Variants in PLCB1 observed in about 807,000 individuals in gnomAD.
PLCB1 encodes the protein phospholipase C beta 1.
A neutral mutation model predicts 161.8 loss-of-function variants in PLCB1; 46 were observed. The ratio of observed to expected loss-of-function variants is 0.28; its 90% CI spans 0.22 to 0.36. The LOEUF (loss-of-function observed/expected upper bound fraction) is 0.36. Among genes scored for constraint, PLCB1 ranks in the 10% least tolerant of loss-of-function variants. The pLI, the probability that PLCB1 is intolerant of heterozygous loss-of-function variation, is 1.00. For missense variants in PLCB1, 1,016 were observed against 1,472.5 expected (o/e 0.69, Z 5.07); for synonymous variants, 517 against 503.7 (o/e 1.03, Z -0.35).
rs545598084 is a variant in PLCB1, at chr20:8,365,650, TA to T, written c.178-5725del. Among the ~76,000 whole-genome samples the T allele has an allele frequency of 1.2e-4, 19 of 152,280 alleles. 1 individual carries two copies. The South Asian group carries it at 1.4e-3, about 12-fold the overall frequency. On this transcript the variant is annotated intron_variant, in intron 2 of 31. Coordinates refer to ENST00000338037, the MANE Select transcript of PLCB1 (RefSeq NM_015192.4). ...TTAAAATACTCTAAAATCATTTTTT[TA>T]AAAAAATTGTGCATTTTAAGGAGGT...
At chr20:8,548,749 G>T (rs948352144) in intron 3 of PLCB1, among the ~76,000 whole-genome samples, 2 of 124,634 alleles carry the variant, frequency 1.6e-5, no homozygotes, top group African/African-American at 6.1e-5. Flanking sequence ...GGTTGTATTT[G>T]GTATTACTTA....
intron 3 of PLCB1, among the ~76,000 whole-genome samples, chr20:8,381,237 A>T (rs1255871997): frequency 6.6e-6 from 1 of 152,236 alleles, no homozygotes; most frequent in African/African-American, 2.4e-5. Context: ...TATGTGATGG[A>T]TTACATATAT....
intron 2 of PLCB1, among the ~76,000 whole-genome samples, chr20:8,184,769 TTTATTATTATTATTATTA>T (rs57793768): frequency 7.0e-6 from 1 of 141,916 alleles, no homozygotes; most frequent in Non-Finnish European, 1.5e-5. Flanking sequence ...TGGCAATACC[TTTATTATTATTATTATTA>T]TTATTATTAT....
chr20:8,849,990 C>T (rs906430745), intron 31 of PLCB1, among the ~76,000 whole-genome samples: 5 of 152,156 alleles, frequency 3.3e-5, no homozygotes, highest in African/African-American at 9.6e-5. Flanking sequence ...TCCAGCCTGG[C>T]GACAGAGCAA....
intron 2 of PLCB1, among the ~76,000 whole-genome samples, chr20:8,202,682 T>C (rs1177257989): frequency 6.6e-6 from 1 of 152,198 alleles, no homozygotes; most frequent in Non-Finnish European, 1.5e-5. Flanking sequence ...TGCCAGGCAA[T>C]GCATTGTGTT....
intron 3 of PLCB1, among the ~76,000 whole-genome samples, chr20:8,572,646 A>G (rs1600161909): frequency 6.6e-6 from 1 of 152,370 alleles, no homozygotes; most frequent in Non-Finnish European, 1.5e-5. Flanking sequence ...ATGGACATGT[A>G]TCTTGCACAT....
At chr20:8,572,725 T>C (rs973383489) in intron 3 of PLCB1, among the ~76,000 whole-genome samples, 2 of 152,182 alleles carry the variant, frequency 1.3e-5, no homozygotes, top group Admixed American at 1.3e-4. Flanking sequence ...AGCTCAAAGA[T>C]AAAATGATGG....
intron 2 of PLCB1, among the ~76,000 whole-genome samples, chr20:8,315,704 C>T (rs540703516): frequency 9.9e-5 from 15 of 152,208 alleles, no homozygotes; most frequent in East Asian, 5.8e-4. Context: ...TTGTGTCTGC[C>T]GGTCTTGCTT....
At chr20:8,634,349 C>T (rs1035624906) in intron 4 of PLCB1, among the ~76,000 whole-genome samples, 1 of 152,144 alleles carries the variant, frequency 6.6e-6, no homozygotes, top group Non-Finnish European at 1.5e-5. Flanking sequence ...ATTCTTCCCC[C>T]TCTGTAGCTG....
At chr20:8,175,425 G>A (rs2051772467) in intron 2 of PLCB1, among the ~76,000 whole-genome samples, 1 of 150,792 alleles carries the variant, frequency 6.6e-6, no homozygotes, top group South Asian at 2.1e-4. Context: ...AAGTGATGAT[G>A]GAGACATTGG....
chr20:8,806,683 T>C (rs1465076665), intron 31 of PLCB1, among the ~76,000 whole-genome samples: 3 of 152,188 alleles, frequency 2.0e-5, no homozygotes, highest in Non-Finnish European at 2.9e-5. Flanking sequence ...AGAGTACACG[T>C]TGGGCTTTGC....
intron 2 of PLCB1, among the ~76,000 whole-genome samples, chr20:8,277,532 T>C (rs1268615442): frequency 6.6e-6 from 1 of 152,150 alleles, no homozygotes; most frequent in East Asian, 1.9e-4. Flanking sequence ...ATATATTTCT[T>C]AGACTCACAG....
chr20:8,722,342 A>G lies in PLCB1; in HGVS notation c.1514-12A>G. ...AATGGTGACATGATGATCTGTTATT[A>G]AAATTTGACAGGAGAAGCTGATACG... is the stretch of plus-strand genomic sequence containing the variant. On this transcript the variant is annotated splice_polypyrimidine_tract_variant and intron_variant, in intron 14 of 31. Transcript: ENST00000338037. 8 of 1,605,506 alleles carry G rather than the reference A, an allele frequency of 5.0e-6. No homozygotes were observed. The highest frequency in any genetic ancestry group is 6.8e-6 in the Non-Finnish European group (8 of 1,174,272).
At chr20:8,644,384 A>C (rs1459580516) in intron 4 of PLCB1, among the ~76,000 whole-genome samples, 1 of 140,674 alleles carries the variant, frequency 7.1e-6, no homozygotes, top group African/African-American at 2.9e-5. Context: ...CCATCTAGGA[A>C]GTGAGGAGCG....
At chr20:8,612,116 T>C (rs1331578366) in intron 3 of PLCB1, among the ~76,000 whole-genome samples, 3 of 152,144 alleles carry the variant, frequency 2.0e-5, no homozygotes, top group Non-Finnish European at 4.4e-5. Context: ...CGTATTTTCC[T>C]CTTCTACCAG....
intron 2 of PLCB1, among the ~76,000 whole-genome samples, chr20:8,260,852 C>A (rs1214955239): frequency 2.0e-5 from 3 of 152,124 alleles, no homozygotes; most frequent in Non-Finnish European, 4.4e-5. Flanking sequence ...CTCATAGCTG[C>A]CCCCATTCTC....
intron 2 of PLCB1, among the ~76,000 whole-genome samples, chr20:8,246,974 G>A (rs1600259760): frequency 6.6e-6 from 1 of 151,806 alleles, no homozygotes; most frequent in South Asian, 2.1e-4. Flanking sequence ...TTATACTGTG[G>A]TTTTCCACAG....
At chr20:8,876,513 CCACATAATGAGACTACTTTCTGTTCCCCT>C (rs1164123461) in intron 31 of PLCB1, among the ~76,000 whole-genome samples, 1 of 152,090 alleles carries the variant, frequency 6.6e-6, no homozygotes, top group Non-Finnish European at 1.5e-5. Context: ...TGGGTCCAGG[CCACATAATGAGACTACTTTCTGTTCCCCT>C]CACTCAAAGT....
At chr20:8,797,079 T>G (rs1984062711) in intron 31 of PLCB1, among the ~76,000 whole-genome samples, 1 of 152,210 alleles carries the variant, frequency 6.6e-6, no homozygotes, top group Admixed American at 6.5e-5. Flanking sequence ...TCTGGAATGA[T>G]ATTTTCACTG....
Sources: allele counts gnomAD v4.1 joint callset (sites outside exome capture counted in the v4.1 genomes callset), GRCh38; gene constraint gnomAD v4.1.1; transcripts MANE v1.5; gene names NCBI Gene and HGNC (gene_info 2026-07-23, HGNC 2026-07-21).